The following ME1 variants were observed in gnomAD, a reference collection of about 807,000 sequenced individuals.
The protein encoded by ME1 is NADP-dependent malic enzyme.
A neutral mutation model predicts 66.4 loss-of-function variants in ME1; 74 were observed. The ratio of observed to expected loss-of-function variants is 1.11; its 90% CI spans 0.92 to 1.35. The LOEUF is 1.35. Among genes scored for constraint, ME1 ranks in the 40% most tolerant of loss-of-function variants. ME1 has a pLI of 0.00. For missense variants in ME1, 750 were observed against 694.1 expected (o/e 1.08, Z -0.90); for synonymous variants, 251 against 235.6 (o/e 1.07, Z -0.60).
chr6:83,214,971 A>G (rs2128522326), intron 13 of ME1, among the ~76,000 whole-genome samples: 1 of 151,998 alleles, frequency 6.6e-6, no homozygotes, highest in Middle Eastern at 3.4e-3. Flanking sequence ...TCATAAGCTA[A>G]CTCTTTTTCA....
At chr6:83,214,192 C>A (rs553594080) in intron 13 of ME1, among the ~76,000 whole-genome samples, 226 of 152,252 alleles carry the variant, frequency 1.5e-3, no homozygotes, top group African/African-American at 5.3e-3. Flanking sequence ...TATAATAAAA[C>A]ACATTGTTTC....
chr6:83,244,888 T>C (rs1790589797), intron 7 of ME1, among the ~76,000 whole-genome samples: 3 of 152,138 alleles, frequency 2.0e-5, no homozygotes, highest in Admixed American at 1.3e-4. Flanking sequence ...AAAGAGCATA[T>C]ACTTACCTGA....
chr6:83,233,127 T>C (rs2128524685), intron 9 of ME1, among the ~76,000 whole-genome samples: 1 of 152,226 alleles, frequency 6.6e-6, no homozygotes, highest in Admixed American at 6.5e-5. Flanking sequence ...TTGTGGCTTC[T>C]TATCCTCCTG....
chr6:83,377,088 A>C (rs118122226), intron 3 of ME1, among the ~76,000 whole-genome samples: 10 of 152,178 alleles, frequency 6.6e-5, no homozygotes, highest in Admixed American at 6.5e-4. Flanking sequence ...CCAACCCTTT[A>C]TAAGTATCTC....
chr6:83,276,601 G>A (rs985697113), intron 6 of ME1, among the ~76,000 whole-genome samples: 1 of 152,060 alleles, frequency 6.6e-6, no homozygotes, highest in African/African-American at 2.4e-5. Flanking sequence ...ATGAAAACAA[G>A]GCAAGAAGTG....
chr6:83,355,608 C>G (rs924210898), intron 3 of ME1, among the ~76,000 whole-genome samples: 2 of 151,948 alleles, frequency 1.3e-5, no homozygotes, highest in Admixed American at 1.3e-4. Flanking sequence ...CGGTAACGTC[C>G]CACCAAAACC....
intron 13 of ME1, among the ~76,000 whole-genome samples, chr6:83,215,875 C>A (rs1446988414): frequency 6.6e-6 from 1 of 152,198 alleles, no homozygotes; most frequent in Non-Finnish European, 1.5e-5. Flanking sequence ...ATGTAGTTAT[C>A]CCAGCCCAAG....
rs186545423 is a variant in ME1 at position 83,225,153 on chromosome 6, G to A, written c.1276-1220C>T. Among the ~76,000 whole-genome samples, 56 of 132,174 alleles carry A rather than the reference G, an allele frequency of 4.2e-4. 1 individual carries two copies. In the East Asian group the frequency reaches 0.011, roughly 26 times the overall value. The allele number at this position is 132,174 out of a possible 152,430, so 86.7% of individuals were successfully genotyped here. A position where few individuals can be genotyped will look rare whatever the true frequency, so the allele number is the denominator to read the frequency against. ...GGAGGCGGAGGTTGCAGTGAGCCGA[G>A]ATCGTGCCATTCATTGCACTCCAGC... On this transcript the variant is annotated intron_variant, in intron 11 of 13. Coordinates refer to ENST00000369705, the MANE Select transcript of ME1 (RefSeq NM_002395.6).
chr6:83,220,957 G>A (rs190147909), intron 12 of ME1, among the ~76,000 whole-genome samples: 33 of 152,180 alleles, frequency 2.2e-4, no homozygotes, highest in Admixed American at 7.2e-4. Context: ...TCAAGAGATC[G>A]AGACCAGTCT....
chr6:83,346,089 T>G, intron 5 of ME1, 84 bp downstream of exon 5: 3 of 1,064,090 alleles, frequency 2.8e-6, no homozygotes, highest in East Asian at 2.7e-5. Context: ...ATGAATTTTA[T>G]GAGTTCCTGG....
chr6:83,217,998 T>C (rs1205260977), intron 12 of ME1, among the ~76,000 whole-genome samples: 4 of 152,198 alleles, frequency 2.6e-5, no homozygotes, highest in Non-Finnish European at 5.9e-5. Flanking sequence ...CTCTACATAT[T>C]ATACAAAATA....
At chr6:83,412,542 TA>T (rs1429190439) in intron 1 of ME1, among the ~76,000 whole-genome samples, 1 of 152,142 alleles carries the variant, frequency 6.6e-6, no homozygotes, top group African/African-American at 2.4e-5. Flanking sequence ...TAAGGAAGGT[TA>T]AAAATGGTAG....
intron 6 of ME1, among the ~76,000 whole-genome samples, chr6:83,281,020 T>A (rs1767277516): frequency 6.6e-6 from 1 of 152,238 alleles, no homozygotes; most frequent in South Asian, 2.1e-4. Flanking sequence ...TCTACTATAT[T>A]GTTTTGCAGT....
intron 13 of ME1, 99 bp downstream of exon 13, chr6:83,216,399 G>GAT: frequency 1.2e-6 from 1 of 843,566 alleles, no homozygotes; most frequent in Non-Finnish European, 2.0e-6. Flanking sequence ...AGTTGATACA[G>GAT]ATATACATTT....
chr6:83,305,935 C>T (rs964775449), intron 6 of ME1, among the ~76,000 whole-genome samples: 1 of 152,134 alleles, frequency 6.6e-6, no homozygotes, highest in African/African-American at 2.4e-5. Context: ...AAACCAGCCA[C>T]ATAGATGGTC....
intron 3 of ME1, among the ~76,000 whole-genome samples, chr6:83,377,835 C>CT (rs886531623): frequency 6.5e-5 from 9 of 138,578 alleles, no homozygotes; most frequent in Admixed American, 4.9e-4. Flanking sequence ...AGTTTGTGAT[C>CT]TTTTTTTTCC....
At chr6:83,364,622 G>A (rs1769065057) in intron 3 of ME1, among the ~76,000 whole-genome samples, 1 of 152,060 alleles carries the variant, frequency 6.6e-6, no homozygotes, top group Non-Finnish European at 1.5e-5. Context: ...GTGTGTTGCT[G>A]CTTCCAGGCC....
intron 6 of ME1, among the ~76,000 whole-genome samples, chr6:83,259,914 TTCTTG>T (rs1212803268): frequency 2.0e-5 from 3 of 152,146 alleles, no homozygotes; most frequent in Non-Finnish European, 4.4e-5. Flanking sequence ...CCCCTCAAGT[TTCTTG>T]TCTTCTTAAG....
At chr6:83,351,980 T>G in intron 4 of ME1, 84 bp downstream of exon 4, 54 of 718,560 alleles carry the variant, frequency 7.5e-5, no homozygotes, top group Non-Finnish European at 1.1e-4. Flanking sequence ...CCTATTATCA[T>G]GAGAATTGTC....
Sources: gnomAD v4.1 joint callset for allele counts (sites outside exome capture counted in the v4.1 genomes callset) on GRCh38, gnomAD v4.1.1 for gene constraint, MANE v1.5 for transcripts, NCBI Gene and HGNC (gene_info 2026-07-23, HGNC 2026-07-21) for gene names.